PHLDB2: variants seen among roughly 807,000 people sequenced by gnomAD.
PHLDB2 encodes the protein pleckstrin homology like domain family B member 2.
A neutral mutation model predicts 123.6 loss-of-function variants in PHLDB2; 71 were observed. The observed-to-expected ratio is 0.57, with a 90% CI of 0.47 to 0.70. PHLDB2 has a LOEUF of 0.70. PHLDB2 is among the 30% of genes least tolerant of loss of function. The pLI, the probability that PHLDB2 is intolerant of heterozygous loss-of-function variation, is 0.00. For synonymous variants in PHLDB2, 547 were observed against 541.6 expected, an observed-to-expected ratio of 1.01 and a Z score of -0.14; for missense variants, 1,446 against 1,519.5, an observed-to-expected ratio of 0.95 and a Z score of 0.80.
At chr3:111,920,208 A>G in intron 4 of PHLDB2, 74 bp from the exon 5 acceptor site, 1 of 1,499,612 alleles carries the variant, frequency 6.7e-7, no homozygotes, top group Non-Finnish European at 8.9e-7. Flanking sequence ...GCTGTTGCAA[A>G]TGTATCTCTA....
intron 1 of PHLDB2, among the ~76,000 whole-genome samples, chr3:111,841,474 T>C (rs1215974357): frequency 6.6e-6 from 1 of 152,252 alleles, no homozygotes; most frequent in Non-Finnish European, 1.5e-5. Flanking sequence ...ATCAAGATTG[T>C]AGAACTCCAG....
rs766577294 is a variant in PHLDB2 at position 111,969,711 on chromosome 3, C to G, written c.3337C>G (p.Leu1113Val). 1 of 1,613,908 alleles carries G rather than the reference C, an allele frequency of 6.2e-7. No homozygotes were observed. The highest frequency in any genetic ancestry group is 1.1e-5 in the South Asian group (1 of 91,074). The change falls in exon 16 of 18, where the codon CTG becomes GTG. Residue 1113 changes from leucine to valine, a missense_variant. Leu to Val is a conservative substitution (Grantham distance 32). This residue lies in a region of PHLDB2 where 594 missense variants were observed against 646.0 expected (regional missense o/e 0.92). Transcript: ENST00000431670. The part of the protein sequence containing the change: ...RAQARPLTRY[L>V]PVRKEDFDLR... ...CCAGGCTCGTCCTTTGACACGCTACCTGCCTGTCCGGAAGGAAGACTTTGA... is the reference window on the plus strand; with the variant it reads ...CCAGGCTCGTCCTTTGACACGCTACGTGCCTGTCCGGAAGGAAGACTTTGA...
chr3:111,822,319 A>G (rs28482349), intron 1 of PHLDB2, among the ~76,000 whole-genome samples: 19,592 of 89,198 alleles, frequency 0.22, 1,300 homozygotes, highest in African/African-American at 0.28. Flanking sequence ...GTGTGTGTGT[A>G]TATATATATA....
chr3:111,872,472 C>T (rs898483928), intron 1 of PHLDB2, among the ~76,000 whole-genome samples: 1 of 152,184 alleles, frequency 6.6e-6, no homozygotes, highest in African/African-American at 2.4e-5. Context: ...TCCCTCACCT[C>T]TCACCTTCCT....
chr3:111,796,636 C>T (rs770196200), intron 1 of PHLDB2, among the ~76,000 whole-genome samples: 5 of 152,092 alleles, frequency 3.3e-5, no homozygotes, highest in Admixed American at 6.5e-5. Context: ...TGGATTCAAG[C>T]GATTTTTGTG....
At chr3:111,780,426 C>T (rs772361269) in intron 1 of PHLDB2, among the ~76,000 whole-genome samples, 1 of 143,944 alleles carries the variant, frequency 6.9e-6, no homozygotes, top group Non-Finnish European at 1.5e-5. Flanking sequence ...ATTAGTTCGG[C>T]CCAACTTTCT....
chr3:111,784,189 T>C (rs1414001131), intron 1 of PHLDB2, among the ~76,000 whole-genome samples: 1 of 152,164 alleles, frequency 6.6e-6, no homozygotes, highest in Non-Finnish European at 1.5e-5. Flanking sequence ...CACAAATGCA[T>C]GATTAAGGAC....
intron 2 of PHLDB2, among the ~76,000 whole-genome samples, chr3:111,908,235 G>T (rs1440754710): frequency 6.6e-6 from 1 of 152,122 alleles, no homozygotes. Context: ...GAAGCCAATG[G>T]CAAAGGTCAG....
At chr3:111,822,114 T>TAA (rs2108408179) in intron 1 of PHLDB2, among the ~76,000 whole-genome samples, 1 of 152,244 alleles carries the variant, frequency 6.6e-6, no homozygotes, top group South Asian at 2.1e-4. Context: ...GCCCCATAAA[T>TAA]AAAAGCAGGC....
At chr3:111,754,048 T>C (rs13090582) in intron 1 of PHLDB2, among the ~76,000 whole-genome samples, 75,490 of 151,536 alleles carry the variant, frequency 0.5, 19,380 homozygotes, top group African/African-American at 0.62. Flanking sequence ...TTTTGGTTAC[T>C]GTAGCCTTGT....
chr3:111,926,277 C>G (rs1266872445), intron 5 of PHLDB2, among the ~76,000 whole-genome samples: 5 of 152,192 alleles, frequency 3.3e-5, no homozygotes, highest in African/African-American at 1.2e-4. Flanking sequence ...CCACGATTTT[C>G]TGGCCAAAGT....
chr3:111,753,869 G>C (rs1200740863), intron 1 of PHLDB2, among the ~76,000 whole-genome samples: 1 of 152,118 alleles, frequency 6.6e-6, no homozygotes, highest in African/African-American at 2.4e-5. Flanking sequence ...TCTACATAGG[G>C]CTAGCCAGTT....
At chr3:111,945,665 A>G (rs1249881825) in intron 9 of PHLDB2, among the ~76,000 whole-genome samples, 1 of 152,154 alleles carries the variant, frequency 6.6e-6, no homozygotes, top group Non-Finnish European at 1.5e-5. Flanking sequence ...GATCCAGACC[A>G]AGATGAGTCT....
chr3:111,777,639 AT>A (rs894582849), intron 1 of PHLDB2, among the ~76,000 whole-genome samples: 1 of 151,782 alleles, frequency 6.6e-6, no homozygotes, highest in Non-Finnish European at 1.5e-5. Context: ...TATGTGCCAC[AT>A]TTTTTTTCTT....
chr3:111,777,930 C>T (rs73222500), intron 1 of PHLDB2, among the ~76,000 whole-genome samples: 32,695 of 151,032 alleles, frequency 0.22, 3,859 homozygotes, highest in African/African-American at 0.3. Flanking sequence ...TTAAGCTAAA[C>T]GGACTGGCTT....
In PHLDB2 at chr3:111,752,903, G is replaced by T. The variant is rs554783742; in HGVS notation, c.-49+20200G>T. Among the ~76,000 whole-genome samples the T allele has an allele frequency of 1.6e-4, 25 of 151,884 alleles. No homozygotes were observed. The South Asian group carries it at 4.4e-3, about 27-fold the overall frequency. On this transcript the variant is annotated intron_variant, in intron 1 of 17. Transcript: ENST00000393923. The stretch of plus-strand genomic sequence containing the variant: ...TATGAGTGAGAATATGCGGTGTTTG[G>T]TTTTTTGTTCTTGTGATAGTTTACT...
At chr3:111,897,991 G>A (rs143668966) in intron 2 of PHLDB2, among the ~76,000 whole-genome samples, 43 of 152,248 alleles carry the variant, frequency 2.8e-4, no homozygotes, top group South Asian at 2.3e-3. Context: ...GTATAAAAAT[G>A]TACATACCTT....
At chr3:111,966,937 G>T (rs923995680) in intron 14 of PHLDB2, among the ~76,000 whole-genome samples, 1 of 151,810 alleles carries the variant, frequency 6.6e-6, no homozygotes, top group African/African-American at 2.4e-5. Context: ...GACATAGACC[G>T]AAATGAACAC....
intron 1 of PHLDB2, among the ~76,000 whole-genome samples, chr3:111,780,911 C>A (rs1041774045): frequency 2.0e-5 from 3 of 152,020 alleles, no homozygotes; most frequent in Admixed American, 2.0e-4. Context: ...TTGCCTGTTC[C>A]TCTATAGCAC....
Sources: gnomAD v4.1 joint callset for allele counts (sites outside exome capture counted in the v4.1 genomes callset) on GRCh38, gnomAD v4.1.1 for gene constraint, gnomAD v4.1.1 regional missense constraint, MANE v1.5 for transcripts, NCBI Gene and HGNC (gene_info 2026-07-23, HGNC 2026-07-21) for gene names.